CCSER1: variants seen among roughly 807,000 people sequenced by gnomAD.
CCSER1 encodes coiled-coil serine rich protein 1.
CCSER1 carries 41 observed loss-of-function variants against 82.0 expected under a neutral mutation model. That is an observed-to-expected ratio of 0.50 (90% CI 0.39 to 0.65). The LOEUF is 0.65. CCSER1 is among the 30% of genes least tolerant of loss of function. The pLI, the probability that CCSER1 is intolerant of heterozygous loss-of-function variation, is 0.00. For synonymous variants in CCSER1, 414 were observed against 383.9 expected, an observed-to-expected ratio of 1.08 and a Z score of -0.92; for missense variants, 1,119 against 1,064.2, an observed-to-expected ratio of 1.05 and a Z score of -0.72.
intron 4 of CCSER1, among the ~76,000 whole-genome samples, chr4:90,437,244 T>C (rs188282959): frequency 1.1e-4 from 16 of 152,102 alleles, no homozygotes; most frequent in Admixed American, 6.5e-4. Flanking sequence ...CACGCACACA[T>C]GCACACATAC....
intron 3 of CCSER1, among the ~76,000 whole-genome samples, chr4:90,363,132 C>T (rs1435911352): frequency 1.3e-5 from 2 of 152,000 alleles, no homozygotes; most frequent in East Asian, 3.9e-4. Flanking sequence ...TATGGCAAAG[C>T]TGAGACAAAT....
At chr4:90,556,950 A>G (rs1333341355) in intron 5 of CCSER1, among the ~76,000 whole-genome samples, 1 of 151,870 alleles carries the variant, frequency 6.6e-6, no homozygotes, top group African/African-American at 2.4e-5. Context: ...GCAAACATAA[A>G]TAAAAATAGA....
chr4:90,450,670 C>T (rs1467182268), intron 4 of CCSER1, among the ~76,000 whole-genome samples: 2 of 152,172 alleles, frequency 1.3e-5, no homozygotes, highest in African/African-American at 4.8e-5. Context: ...GAATCAATTT[C>T]AGTGACCTTT....
chr4:90,248,872 GT>G (rs34719673), intron 1 of CCSER1, among the ~76,000 whole-genome samples: 1 of 150,662 alleles, frequency 6.6e-6, no homozygotes, highest in African/African-American at 2.4e-5. Context: ...TAATTTTTGT[GT>G]TTTTTTTGTA....
rs1746141698 is a variant in CCSER1 at position 91,320,772 on chromosome 4, C to T, written c.2217+234778C>T. 1.3e-5 allele frequency among the ~76,000 whole-genome samples: 2 copies of T among 152,016 alleles called. 1 individual carries two copies. The highest frequency in any genetic ancestry group is 4.1e-4 in the South Asian group (2 of 4,828). On this transcript the variant is annotated intron_variant, in intron 10 of 10. Coordinates refer to ENST00000509176, the MANE Select transcript of CCSER1 (RefSeq NM_001145065.2). The stretch of plus-strand genomic sequence containing the variant: ...CTGTTTTAATAAAACCAGGAAAGCA[C>T]AGTTTCCCATTCTTATCTCTGGTTC...
intron 10 of CCSER1, among the ~76,000 whole-genome samples, chr4:91,174,540 A>T (rs1238270511): frequency 6.6e-6 from 1 of 152,114 alleles, no homozygotes; most frequent in African/African-American, 2.4e-5. Flanking sequence ...GCTTTGCTGC[A>T]CCCATCAACC....
intron 9 of CCSER1, among the ~76,000 whole-genome samples, chr4:91,064,786 G>C (rs903749870): frequency 1.3e-5 from 2 of 152,182 alleles, no homozygotes; most frequent in African/African-American, 4.8e-5. Context: ...CTAAAGAGTA[G>C]TTTAAGACCT....
chr4:91,046,325 T>A (rs1431688196), intron 9 of CCSER1, among the ~76,000 whole-genome samples: 1 of 151,172 alleles, frequency 6.6e-6, no homozygotes, highest in Non-Finnish European at 1.5e-5. Flanking sequence ...AATTTTTCTA[T>A]GTATGTATAG....
chr4:90,299,895 T>G (rs951910811), intron 1 of CCSER1, among the ~76,000 whole-genome samples: 1 of 152,138 alleles, frequency 6.6e-6, no homozygotes, highest in African/African-American at 2.4e-5. Context: ...ATCAATGTCC[T>G]TTGATATGTT....
At chr4:90,463,994 G>A (rs1763304007) in intron 4 of CCSER1, among the ~76,000 whole-genome samples, 1 of 152,048 alleles carries the variant, frequency 6.6e-6, no homozygotes, top group Non-Finnish European at 1.5e-5. Flanking sequence ...TAGTCAAACT[G>A]GAGAAAAGGA....
rs1181857336 is a variant in CCSER1 at position 91,010,684 on chromosome 4, C to T, written c.2173-75266C>T. Reference sequence around the variant, plus strand: ...TTCAGATATTCTTTCTTCTGATTCACCTAGTCTGCTGTTGAAGCTCTATAT... The same window carrying T: ...TTCAGATATTCTTTCTTCTGATTCATCTAGTCTGCTGTTGAAGCTCTATAT... On this transcript the variant is annotated intron_variant, in intron 9 of 10. Coordinates refer to ENST00000509176, the MANE Select transcript of CCSER1 (RefSeq NM_001145065.2). Among the ~76,000 whole-genome samples, 27 of 135,020 alleles carry T rather than the reference C, an allele frequency of 2.0e-4. 4 individuals are homozygous for T. The highest frequency in any genetic ancestry group is 1.8e-3 in the Admixed American group (24 of 13,598). The allele number at this position is 135,020 out of a possible 152,430, so 88.6% of individuals were successfully genotyped here.
intron 10 of CCSER1, among the ~76,000 whole-genome samples, chr4:91,482,685 C>G (rs6834523): frequency 1 from 152,129 of 152,210 alleles, 76,025 homozygotes; most frequent in Middle Eastern, 1. Flanking sequence ...CAAAGACTTG[C>G]AACCAACCCA....
intron 10 of CCSER1, among the ~76,000 whole-genome samples, chr4:91,195,915 C>A (rs1735369263): frequency 6.6e-6 from 1 of 151,824 alleles, no homozygotes; most frequent in Admixed American, 6.6e-5. Context: ...TAAGACAAAG[C>A]CCCCGTGTTA....
chr4:90,830,016 T>G (rs1407728091), intron 8 of CCSER1, among the ~76,000 whole-genome samples: 6 of 152,166 alleles, frequency 3.9e-5, no homozygotes, highest in Non-Finnish European at 8.8e-5. Context: ...TACATTCAAT[T>G]AACACTTCTA....
At chr4:90,285,645 C>T (rs1266154804) in intron 1 of CCSER1, among the ~76,000 whole-genome samples, 4 of 152,114 alleles carry the variant, frequency 2.6e-5, no homozygotes, top group African/African-American at 7.2e-5. Context: ...TTCAGCTTGT[C>T]TAATTGCTCT....
At chr4:90,763,074 C>T (rs1294512934) in intron 7 of CCSER1, among the ~76,000 whole-genome samples, 1 of 151,970 alleles carries the variant, frequency 6.6e-6, no homozygotes, top group Non-Finnish European at 1.5e-5. Context: ...TGGCTTACAC[C>T]AAGAGAAGAC....
chr4:90,870,657 G>A (rs563948153), intron 8 of CCSER1, among the ~76,000 whole-genome samples: 6 of 151,532 alleles, frequency 4.0e-5, no homozygotes, highest in South Asian at 2.1e-4. Context: ...CTTTTTTGAT[G>A]TGTCTTTGTC....
rs1414888777 is a variant in CCSER1, at chr4:91,604,529, A to G, written c.*5472A>G. The G allele has an allele frequency of 6.6e-6, 1 of 152,058 alleles. No individual in the cohort carries two copies. The highest frequency in any genetic ancestry group is 1.5e-5 in the Non-Finnish European group (1 of 67,940). The allele number at this position is 152,058 out of a possible 1,614,324, so 9.4% of individuals were successfully genotyped here. A position where few individuals can be genotyped will look rare whatever the true frequency, so the allele number is the denominator to read the frequency against. On this transcript the variant is annotated 3_prime_UTR_variant, in exon 11 of 11. Transcript: ENST00000509176. ...AAAAAATGCTAAGAAATGATTTTAT[A>G]TTTTTTAAAGTAGAGGGCCAATGAA... is the stretch of plus-strand genomic sequence containing the variant.
intron 3 of CCSER1, among the ~76,000 whole-genome samples, chr4:90,345,790 C>T (rs1742210982): frequency 6.6e-6 from 1 of 152,080 alleles, no homozygotes; most frequent in Non-Finnish European, 1.5e-5. Flanking sequence ...ATCTCTCTAT[C>T]TTCTAAACCA....
Sources: gnomAD v4.1 joint callset for allele counts (sites outside exome capture counted in the v4.1 genomes callset) on GRCh38, gnomAD v4.1.1 for gene constraint, MANE v1.5 for transcripts, NCBI Gene and HGNC (gene_info 2026-07-23, HGNC 2026-07-21) for gene names.